The following KYAT3 variants were observed in gnomAD, a reference collection of about 807,000 sequenced individuals.
KYAT3 encodes kynurenine--oxoglutarate transaminase 3.
KYAT3 carries 50 observed loss-of-function variants against 59.0 expected under a neutral mutation model. The observed-to-expected ratio is 0.85, with a 90% CI of 0.68 to 1.07. The LOEUF (loss-of-function observed/expected upper bound fraction) is 1.07, where lower values mean the gene tolerates loss of function less well. KYAT3 is among the 50% of genes least tolerant of loss of function. The pLI is 0.00. For missense variants in KYAT3, 497 were observed against 533.3 expected (o/e 0.93, Z 0.67); for synonymous variants, 148 against 177.0 (o/e 0.84, Z 1.30).
At chr1:88,960,541 G>A (rs748460417) in intron 8 of KYAT3, among the ~76,000 whole-genome samples, 2 of 152,178 alleles carry the variant, frequency 1.3e-5, no homozygotes, top group Non-Finnish European at 2.9e-5. Context: ...CATGAAAACT[G>A]ACATTGGACA....
chr1:88,966,069 A>G (rs1676338689), intron 4 of KYAT3, among the ~76,000 whole-genome samples: 1 of 152,186 alleles, frequency 6.6e-6, no homozygotes, highest in Admixed American at 6.6e-5. Flanking sequence ...TCGCTCCTCA[A>G]TATTATTTCA....
intron 13 of KYAT3, among the ~76,000 whole-genome samples, chr1:88,937,999 G>A (rs934452992): frequency 5.9e-5 from 9 of 152,116 alleles, no homozygotes; most frequent in African/African-American, 2.2e-4. Context: ...TTGGGACAAT[G>A]AATGACATTT....
At chr1:88,926,099 C>A in the KYAT3 span, among the ~76,000 whole-genome samples, 3 of 152,188 alleles carry the variant, frequency 2.0e-5, no homozygotes, top group Admixed American at 6.5e-5. Context: ...TTAGAGGAAA[C>A]CTCATTGTGA....
chr1:88,952,035 A>G (rs562440635), intron 10 of KYAT3, among the ~76,000 whole-genome samples: 1 of 152,344 alleles, frequency 6.6e-6, no homozygotes, highest in South Asian at 2.1e-4. Context: ...AGCCTTCAGA[A>G]GGAACACAGC....
chr1:88,929,212 C>A, the KYAT3 span, among the ~76,000 whole-genome samples: 7 of 152,114 alleles, frequency 4.6e-5, no homozygotes, highest in Non-Finnish European at 8.8e-5. Context: ...CCTAGTAAAA[C>A]CATGCAATAG....
At chr1:88,941,527 T>G in intron 13 of KYAT3, among the ~76,000 whole-genome samples, 1 of 124,666 alleles carries the variant, frequency 8.0e-6, no homozygotes, top group South Asian at 3.8e-4. Context: ...CATTCTAGGC[T>G]GTTATTTTTT....
intron 2 of KYAT3, 45 bp downstream of exon 2, chr1:88,988,207 T>C (rs1312765844): frequency 2.3e-6 from 3 of 1,294,564 alleles, no homozygotes; most frequent in Non-Finnish European, 2.2e-6. Context: ...TTTTGGACAG[T>C]GCAGAATATG....
At chr1:88,960,156 A>G (rs1390388211) in intron 8 of KYAT3, among the ~76,000 whole-genome samples, 2 of 151,502 alleles carry the variant, frequency 1.3e-5, no homozygotes, top group African/African-American at 4.8e-5. Flanking sequence ...GCCAGTTTTG[A>G]ACTCCTGGAC....
At chr1:88,984,238 G>A (rs1677308238) in intron 2 of KYAT3, among the ~76,000 whole-genome samples, 1 of 103,494 alleles carries the variant, frequency 9.7e-6, no homozygotes, top group African/African-American at 3.8e-5. Context: ...TTTGTAGACA[G>A]GAGTCTCACA....
Position 88,948,628 on chromosome 1 carries a change from C to T in KYAT3, c.1141+463G>A, listed in dbSNP as rs141194875. On this transcript the variant is annotated intron_variant, in intron 11 of 13. Coordinates refer to ENST00000260508, the MANE Select transcript of KYAT3 (RefSeq NM_001008661.3). ...TTTTGAGTACGTGGCACAAAGTAGA[C>T]CCTCAATAAGTGTTATTCTCCCATT... Among the ~76,000 whole-genome samples, 1,296 of 152,254 alleles carry T rather than the reference C, an allele frequency of 8.5e-3. 15 individuals carry two copies. The highest frequency in any genetic ancestry group is 0.03 in the African/African-American group (1,253 of 41,536).
intron 13 of KYAT3, among the ~76,000 whole-genome samples, chr1:88,937,852 T>C (rs1039727290): frequency 2.0e-5 from 3 of 152,194 alleles, no homozygotes; most frequent in African/African-American, 4.8e-5. Flanking sequence ...AAATAATTCA[T>C]TGATAATTTT....
intron 9 of KYAT3, among the ~76,000 whole-genome samples, chr1:88,953,731 A>T (rs74097888): frequency 0.032 from 4,930 of 152,088 alleles, 235 homozygotes; most frequent in African/African-American, 0.11. Context: ...TTTCCTTTCT[A>T]ATAATTTGCT....
intron 2 of KYAT3, among the ~76,000 whole-genome samples, chr1:88,972,544 T>A (rs1205639930): frequency 6.6e-6 from 1 of 152,212 alleles, no homozygotes; most frequent in Non-Finnish European, 1.5e-5. Flanking sequence ...GCTTCAGTGA[T>A]AAATGACCCC....
the KYAT3 span, among the ~76,000 whole-genome samples, chr1:88,930,683 CAG>C: frequency 6.6e-6 from 1 of 152,164 alleles, no homozygotes; most frequent in Non-Finnish European, 1.5e-5. Flanking sequence ...AATATATATA[CAG>C]ACTCTTAAGT....
intron 1 of KYAT3, among the ~76,000 whole-genome samples, chr1:88,988,759 T>C (rs987749275): frequency 1.3e-5 from 2 of 152,230 alleles, no homozygotes; most frequent in Admixed American, 6.5e-5. Context: ...AGTAAAAGCA[T>C]AGTTTGTAAC....
chr1:88,967,852 A>G (rs1488746301), intron 4 of KYAT3, among the ~76,000 whole-genome samples: 2 of 151,720 alleles, frequency 1.3e-5, no homozygotes, highest in Non-Finnish European at 2.9e-5. Flanking sequence ...GGTTTCATTA[A>G]TTTTCTCTAT....
intron 2 of KYAT3, chr1:88,984,046 G>T: frequency 2.1e-6 from 1 of 465,246 alleles, no homozygotes; most frequent in Non-Finnish European, 4.1e-6. Flanking sequence ...CTAGATGGCA[G>T]AGGAAAACAA....
intron 6 of KYAT3, 106 bp downstream of exon 6, chr1:88,961,953 T>G (rs1676162981): frequency 6.3e-6 from 5 of 791,788 alleles, no homozygotes; most frequent in Non-Finnish European, 1.1e-5. Flanking sequence ...ACAGGAAATC[T>G]CCAAATGCAA....
intron 2 of KYAT3, chr1:88,982,861 T>A: frequency 1.9e-6 from 3 of 1,613,974 alleles, no homozygotes; most frequent in South Asian, 2.2e-5. Flanking sequence ...TGTCTCGACT[T>A]CCACCATATC....
Sources: gnomAD v4.1 joint callset for allele counts (sites outside exome capture counted in the v4.1 genomes callset) on GRCh38, gnomAD v4.1.1 for gene constraint, MANE v1.5 for transcripts, NCBI Gene and HGNC (gene_info 2026-07-23, HGNC 2026-07-21) for gene names.